Variants in PRDM16 observed in about 807,000 individuals in gnomAD.
PRDM16 encodes histone-lysine N-methyltransferase PRDM16.
PRDM16 carries 23 observed loss-of-function variants against 110.6 expected under a neutral mutation model. The observed-to-expected ratio is 0.21, with a 90% CI of 0.15 to 0.29. PRDM16 has a LOEUF of 0.29. Among genes scored for constraint, PRDM16 ranks in the 10% least tolerant of loss-of-function variants. The pLI, the probability that PRDM16 is intolerant of heterozygous loss-of-function variation, is 1.00. For missense variants in PRDM16, 1,615 were observed against 1,794.3 expected (o/e 0.90, Z 1.81); for synonymous variants, 799 against 781.8 (o/e 1.02, Z -0.37).
At chr1:3,150,245 C>A (rs1643750461) in intron 1 of PRDM16, among the ~76,000 whole-genome samples, 2 of 152,190 alleles carry the variant, frequency 1.3e-5, no homozygotes, top group Admixed American at 1.3e-4. Context: ...TGACACTTGG[C>A]CCTTGGCTAT....
chr1:3,262,867 G>A (rs989063402), intron 3 of PRDM16, among the ~76,000 whole-genome samples: 1 of 152,196 alleles, frequency 6.6e-6, no homozygotes. Flanking sequence ...GGGTGTGCGC[G>A]CATGGGGTCC....
intron 3 of PRDM16, chr1:3,308,477 C>G (rs938312552): frequency 2.0e-5 from 3 of 152,248 alleles, no homozygotes; most frequent in Non-Finnish European, 2.9e-5. Context: ...GCTCCTTCCC[C>G]TAGGAGGTCA....
rs1642533079 is a variant in PRDM16, at chr1:3,353,441, T to C, written c.439-31711T>C. Among the ~76,000 whole-genome samples, 1 of 152,258 alleles carries C rather than the reference T, an allele frequency of 6.6e-6. No homozygotes were observed. The highest frequency in any genetic ancestry group is 2.1e-4 in the South Asian group (1 of 4,820). On this transcript the variant is annotated intron_variant, in intron 3 of 16. Transcript: ENST00000270722. This position sits in a 1 kb window ranked among gnomAD's most constrained non-coding sequence, Gnocchi z 5.4. Reference sequence around the variant, plus strand: ...GGGACACCATCCTGCAGCCTCTGCGTTTGTCCTTGGGGTCATTGAGGAATC... The same window carrying C: ...GGGACACCATCCTGCAGCCTCTGCGCTTGTCCTTGGGGTCATTGAGGAATC...
chr1:3,385,001 C>T lies in PRDM16; in HGVS notation c.439-151C>T. 8.9e-6 allele frequency: 8 copies of T among 903,906 alleles called. No individual in the cohort carries two copies. In the South Asian group the frequency reaches 1.1e-4, roughly 12 times the overall value. The allele number at this position is 903,906 out of a possible 1,614,324, so 56.0% of individuals were successfully genotyped here. On this transcript the variant is annotated intron_variant, in intron 3 of 16. Coordinates refer to ENST00000270722, the MANE Select transcript of PRDM16 (RefSeq NM_022114.4). ...GGGCAGGCTGGGTGGGCTGGGAGCCCCGCTGATGCCCGGAGGGTGGGCTGA... is the reference window on the plus strand; with the variant it reads ...GGGCAGGCTGGGTGGGCTGGGAGCCTCGCTGATGCCCGGAGGGTGGGCTGA...
At chr1:3,313,069 G>A (rs1641502857) in intron 3 of PRDM16, among the ~76,000 whole-genome samples, 1 of 152,360 alleles carries the variant, frequency 6.6e-6, no homozygotes, top group Non-Finnish European at 1.5e-5. Flanking sequence ...CAGGCACCGT[G>A]TCCCAAGGCC....
At chr1:3,329,258 G>T (rs1641991473) in intron 3 of PRDM16, among the ~76,000 whole-genome samples, 3 of 152,260 alleles carry the variant, frequency 2.0e-5, no homozygotes, top group African/African-American at 7.2e-5. Flanking sequence ...TCCAGATGGT[G>T]CTAGGGCAGG....
intron 1 of PRDM16, among the ~76,000 whole-genome samples, chr1:3,153,280 G>T (rs562290547): frequency 3.9e-5 from 6 of 152,368 alleles, no homozygotes; most frequent in African/African-American, 1.4e-4. Flanking sequence ...AGGCAGGTGA[G>T]GAACGTGGGC....
intron 3 of PRDM16, among the ~76,000 whole-genome samples, chr1:3,286,124 C>T (rs1640838148): frequency 6.6e-6 from 1 of 152,166 alleles, no homozygotes; most frequent in African/African-American, 2.4e-5. Context: ...GACAGCCTCT[C>T]CTCCTCCAGC....
At chr1:3,105,819 C>T (rs561848301) in intron 1 of PRDM16, among the ~76,000 whole-genome samples, 135 of 152,344 alleles carry the variant, frequency 8.9e-4, no homozygotes, top group Non-Finnish European at 1.4e-3. Context: ...CTTCCCCCTG[C>T]GGCGCCCCAG....
intron 2 of PRDM16, among the ~76,000 whole-genome samples, chr1:3,204,359 A>G (rs151243945): frequency 2.5e-4 from 38 of 152,242 alleles, no homozygotes; most frequent in African/African-American, 8.7e-4. Flanking sequence ...ACAGAAAAAA[A>G]AATTGATTTG....
At chr1:3,275,424 C>T (rs1640560891) in intron 3 of PRDM16, among the ~76,000 whole-genome samples, 1 of 152,222 alleles carries the variant, frequency 6.6e-6, no homozygotes, top group Non-Finnish European at 1.5e-5. Context: ...CCACCCCTAC[C>T]CCGCTGCAGG....
At chr1:3,273,416 G>A (rs1388593199) in intron 3 of PRDM16, among the ~76,000 whole-genome samples, 22 of 151,730 alleles carry the variant, frequency 1.4e-4, no homozygotes, top group Admixed American at 1.3e-4. Context: ...TGGAGGAGGT[G>A]CACATATGAG....
At chr1:3,114,121 C>T (rs1365293531) in intron 1 of PRDM16, among the ~76,000 whole-genome samples, 2 of 152,266 alleles carry the variant, frequency 1.3e-5, no homozygotes, top group East Asian at 1.9e-4. Flanking sequence ...TGCAGTAAGA[C>T]AGCGGCGTGT....
At chr1:3,368,591 G>T (rs554859393) in intron 3 of PRDM16, among the ~76,000 whole-genome samples, 128 of 152,342 alleles carry the variant, frequency 8.4e-4, no homozygotes, top group Non-Finnish European at 1.5e-3. Flanking sequence ...CCCTCCTCTT[G>T]AGAAAGCTCC....
chr1:3,245,905 C>A lies in PRDM16; in HGVS notation c.438+1768C>A, dbSNP rs1005284959. Among the ~76,000 whole-genome samples the A allele has an allele frequency of 6.6e-6, 1 of 152,198 alleles. No homozygotes were observed. Among genetic ancestry groups the A allele is most frequent in the Non-Finnish European group, 1.5e-5 (1 of 68,040 alleles). ...TTTTCCACCCCGATGCGTCCCTGGACCGTCTGACATTTTCAAGACGCCCTC... is the reference window on the plus strand; with the variant it reads ...TTTTCCACCCCGATGCGTCCCTGGAACGTCTGACATTTTCAAGACGCCCTC... On this transcript the variant is annotated intron_variant, in intron 3 of 16. Coordinates refer to ENST00000270722, the MANE Select transcript of PRDM16 (RefSeq NM_022114.4). This position sits in a 1 kb window ranked among gnomAD's most constrained non-coding sequence, Gnocchi z 4.7.
intron 3 of PRDM16, among the ~76,000 whole-genome samples, chr1:3,323,942 G>A (rs1021127163): frequency 2.6e-5 from 4 of 152,234 alleles, no homozygotes; most frequent in Admixed American, 2.0e-4. Flanking sequence ...GACGGGGCTG[G>A]TGAAGGGGTT....
chr1:3,171,979 C>A (rs1396122364), intron 1 of PRDM16, among the ~76,000 whole-genome samples: 3 of 152,304 alleles, frequency 2.0e-5, no homozygotes, highest in African/African-American at 4.8e-5. Context: ...AGAACGGGGT[C>A]CCCGGTGCTG....
intron 6 of PRDM16, among the ~76,000 whole-genome samples, chr1:3,403,697 T>C (rs923476042): frequency 6.6e-6 from 1 of 152,204 alleles, no homozygotes; most frequent in African/African-American, 2.4e-5. Flanking sequence ...ATTCCTGGTC[T>C]CTGTGGGGAG....
intron 4 of PRDM16, chr1:3,394,374 C>G (rs1321878898): frequency 2.3e-6 from 1 of 441,874 alleles, no homozygotes; most frequent in Non-Finnish European, 4.5e-6. Flanking sequence ...CCGCCCAGCC[C>G]CCGTCCGCCC....
Sources: gnomAD v4.1 joint callset for allele counts (sites outside exome capture counted in the v4.1 genomes callset) on GRCh38, gnomAD v4.1.1 for gene constraint, Gnocchi (gnomAD v3.1) non-coding constraint, MANE v1.5 for transcripts, NCBI Gene and HGNC (gene_info 2026-07-23, HGNC 2026-07-21) for gene names.